The following MCM2 variants were observed in gnomAD, a reference collection of about 807,000 sequenced individuals.
MCM2 encodes DNA replication licensing factor MCM2.
MCM2 carries 49 observed loss-of-function variants against 86.4 expected under a neutral mutation model. The ratio of observed to expected loss-of-function variants is 0.57; its 90% CI spans 0.45 to 0.72. The LOEUF is 0.72. Among genes scored for constraint, MCM2 ranks in the 30% least tolerant of loss-of-function variants. MCM2 has a pLI of 0.00. For missense variants in MCM2, 1,038 were observed against 1,259.9 expected, an observed-to-expected ratio of 0.82 and a Z score of 2.67; for synonymous variants, 475 against 484.6, an observed-to-expected ratio of 0.98 and a Z score of 0.26.
In MCM2 at chr3:127,606,911, G is replaced by T. The variant is rs1300779255; in HGVS notation, c.1101+94G>T. On this transcript the variant is annotated intron_variant, in intron 6 of 15. Transcript: ENST00000265056. The surrounding 1 kb of genome is among the most constrained non-coding windows in gnomAD (Gnocchi z 4.2). Reference sequence around the variant, plus strand: ...CTCTCAGGCTGTGGAAGACCAGTGTGGGCAGCCGCAAGAAGCAAGATAGAA... The same window carrying T: ...CTCTCAGGCTGTGGAAGACCAGTGTTGGCAGCCGCAAGAAGCAAGATAGAA... 2 of 1,254,472 alleles carry T rather than the reference G, an allele frequency of 1.6e-6. No individual in the cohort carries two copies. The highest frequency in any genetic ancestry group is 2.3e-6 in the Non-Finnish European group (2 of 867,998). The allele number at this position is 1,254,472 out of a possible 1,614,324, so 77.7% of individuals were successfully genotyped here. A position where few individuals can be genotyped will look rare whatever the true frequency, so the allele number is the denominator to read the frequency against.
chr3:127,619,360 G>A, intron 13 of MCM2, 82 bp downstream of exon 13: 2 of 1,526,444 alleles, frequency 1.3e-6, no homozygotes, highest in Non-Finnish European at 1.8e-6. Flanking sequence ...AGCGGGGGTG[G>A]TGGTCAGTCA....
intron 8 of MCM2, among the ~76,000 whole-genome samples, chr3:127,614,516 C>T (rs2074420024): frequency 6.6e-6 from 1 of 152,168 alleles, no homozygotes; most frequent in African/African-American, 2.4e-5. Context: ...GTGGAAGAAA[C>T]TGGGTCATTT....
chr3:127,615,914 G>T lies in MCM2; in HGVS notation c.1481G>T (p.Gly494Val), dbSNP rs1412170075. Residue 494 changes from glycine to valine, a missense_variant, in exon 9 of 16, where the codon GGC becomes GTC. Transcript: ENST00000265056. ...SIYGHEDIKR[G>V]LALALFGGEP... ...TATGGTCATGAAGACATCAAGAGAG[G>T]CCTGGCTCTGGCCCTGTTCGGAGGG... The T allele has an allele frequency of 1.9e-6, 3 of 1,614,062 alleles. No homozygotes were observed. The Admixed American group carries it at 5.0e-5, about 27-fold the overall frequency.
In MCM2 at chr3:127,605,049, C is replaced by T. The variant is rs555504342; in HGVS notation, c.566C>T (p.Ala189Val). The change falls in exon 4 of 16, where the codon GCG becomes GTG. Residue 189 changes from alanine to valine, a missense_variant. Around this residue, in one of 4 missense-constraint regions of MCM2, gnomAD observed 300 missense variants for 307.4 expected, o/e 0.98. Coordinates refer to ENST00000265056, the MANE Select transcript of MCM2 (RefSeq NM_004526.4). ...TCTGTGCGCGAGTGGGTGAGCATGG[C>T]GGGCCCCCGGCTGGAGATCCACCAC... ...GHSVREWVSM[A>V]GPRLEIHHRF... 19 of 1,613,922 alleles carry T rather than the reference C, an allele frequency of 1.2e-5. No homozygotes were observed. In the African/African-American group the frequency reaches 1.6e-4, roughly 14 times the overall value.
In MCM2 at chr3:127,606,045, C is replaced by T; in HGVS notation, c.674-73C>T. ...GTCGGGGTGGGTAGGCCTTGCTTCT[C>T]ACACAGGCATTGTTGCAGCCCAGCC... On this transcript the variant is annotated intron_variant, in intron 4 of 15. Coordinates refer to ENST00000265056, the MANE Select transcript of MCM2 (RefSeq NM_004526.4). The surrounding 1 kb of genome is among the most constrained non-coding windows in gnomAD (Gnocchi z 4.2). 2 of 1,226,064 alleles carry T rather than the reference C, an allele frequency of 1.6e-6. No homozygotes were observed. Among genetic ancestry groups the T allele is most frequent in the South Asian group, 2.5e-5 (2 of 79,672 alleles). 75.9% of individuals were successfully genotyped at this position (1,226,064 alleles called of 1,614,324 possible). A position where few individuals can be genotyped will look rare whatever the true frequency, so the allele number is the denominator to read the frequency against.
chr3:127,615,571 C>T (rs2074426423), intron 8 of MCM2, among the ~76,000 whole-genome samples: 1 of 152,188 alleles, frequency 6.6e-6, no homozygotes. Context: ...GGTCTTATTT[C>T]TGCTCTTGGT....
rs1410981400 is a variant in MCM2 at position 127,606,233 on chromosome 3, C to G, written c.789C>G (p.Ala263=). ...TGCTGCAGATCTTTGATGAGGCTGC[C>G]CTGGAGGTGGTACTGGCCATGTACC... is the stretch of plus-strand genomic sequence containing the variant. ...AELLQIFDEA[A]LEVVLAMYPK... Residue 263 remains alanine, a synonymous_variant, in exon 5 of 16, where the codon GCC becomes GCG. Transcript: ENST00000265056. The surrounding 1 kb of genome is among the most constrained non-coding windows in gnomAD (Gnocchi z 4.2). 3 of 1,614,064 alleles carry G rather than the reference C, an allele frequency of 1.9e-6. No individual in the cohort carries two copies. Among genetic ancestry groups the G allele is most frequent in the South Asian group, 1.1e-5 (1 of 91,088 alleles).
At position 127,621,913 on chromosome 3, in the gene MCM2, C is replaced by T. The variant is rs1331329736; in HGVS notation, c.*140C>T. ...GGGCTTATAGCAGGATGTCTGGCTG[C>T]ACCTGGCATGACTGTTTGTTTCTCC... On this transcript the variant is annotated 3_prime_UTR_variant, in exon 16 of 16. Coordinates refer to ENST00000265056, the MANE Select transcript of MCM2 (RefSeq NM_004526.4). 3.3e-6 allele frequency: 2 copies of T among 604,146 alleles called. No homozygotes were observed. The highest frequency in any genetic ancestry group is 1.9e-5 in the African/African-American group (1 of 53,444). The allele number at this position is 604,146 out of a possible 1,614,324, so 37.4% of individuals were successfully genotyped here.
rs537814583 is a variant in MCM2 at position 127,615,930 on chromosome 3, G to C, written c.1497G>C (p.Leu499=). 1.5e-4 allele frequency: 250 copies of C among 1,614,058 alleles called. No homozygotes were observed. Among genetic ancestry groups the C allele is most frequent in the Non-Finnish European group, 2.1e-4 (244 of 1,180,032 alleles). ...TCAAGAGAGGCCTGGCTCTGGCCCTGTTCGGAGGGGAGCCCAAAAACCCAG... is the reference window on the plus strand; with the variant it reads ...TCAAGAGAGGCCTGGCTCTGGCCCTCTTCGGAGGGGAGCCCAAAAACCCAG... The part of the protein sequence containing the change: ...EDIKRGLALA[L]FGGEPKNPGG... Residue 499 remains leucine, a synonymous_variant, in exon 9 of 16, where the codon CTG becomes CTC. Transcript: ENST00000265056.
Position 127,617,118 on chromosome 3 carries a change from G to A in MCM2, c.1773G>A (p.Lys591=), listed in dbSNP as rs749453739. 11 of 1,612,736 alleles carry A rather than the reference G, an allele frequency of 6.8e-6. No individual in the cohort carries two copies. In the East Asian group the frequency reaches 2.0e-4, roughly 29 times the overall value. ...TGTGTCTCATTGATGAATTTGACAAGGTGGGTCCCTGGGTCACGGAGGCTG... is the reference window on the plus strand; with the variant it reads ...TGTGTCTCATTGATGAATTTGACAAAGTGGGTCCCTGGGTCACGGAGGCTG... ...RGVCLIDEFD[K]MNDQDRTSIH... The change falls in exon 10 of 16, where the codon AAG becomes AAA. Residue 591 remains lysine, a splice_region_variant and synonymous_variant. Transcript: ENST00000265056. This position sits in a 1 kb window ranked among gnomAD's most constrained non-coding sequence, Gnocchi z 4.1.
rs1235028296 is a variant in MCM2 at position 127,620,794 on chromosome 3, G to A, written c.2362G>A (p.Glu788Lys). The A allele has an allele frequency of 1.7e-5, 28 of 1,614,032 alleles. No individual in the cohort carries two copies. The highest frequency in any genetic ancestry group is 3.3e-5 in the Admixed American group (2 of 60,006). Reference sequence around the variant, plus strand: ...CATCCATCTGCGGGACTATGTGATCGAAGACGACGTCAACATGGCCATCCG... The same window carrying A: ...CATCCATCTGCGGGACTATGTGATCAAAGACGACGTCAACATGGCCATCCG... ...ARIHLRDYVI[E>K]DDVNMAIRVM... The change falls in exon 14 of 16, where the codon GAA becomes AAA. Residue 788 changes from glutamate (E) to lysine (K), a missense_variant. Physicochemically the swap from Glu to Lys is moderately conservative, Grantham distance 56. This residue lies in a region of MCM2 where 336 missense variants were observed against 425.7 expected (regional missense o/e 0.79). Transcript: ENST00000265056.
chr3:127,605,626 G>A (rs2074341548), intron 4 of MCM2, among the ~76,000 whole-genome samples: 1 of 151,336 alleles, frequency 6.6e-6, no homozygotes, highest in African/African-American at 2.4e-5. Context: ...TTTTAGTAGA[G>A]AAGGGGTTTC....
Position 127,618,947 on chromosome 3 carries a change from C to G in MCM2, c.2014-80C>G. On this transcript the variant is annotated intron_variant, in intron 12 of 15. Coordinates refer to ENST00000265056, the MANE Select transcript of MCM2 (RefSeq NM_004526.4). This position sits in a 1 kb window ranked among gnomAD's most constrained non-coding sequence, Gnocchi z 4.0. ...AAGAGTGTCACCCTTGTAGGGCACA[C>G]TCAGCCCTTCTCCAGCCACTGACCT... 1.4e-6 allele frequency: 2 copies of G among 1,423,050 alleles called. No individual in the cohort carries two copies. The highest frequency in any genetic ancestry group is 1.9e-6 in the Non-Finnish European group (2 of 1,067,414). 88.2% of individuals were successfully genotyped at this position (1,423,050 alleles called of 1,614,324 possible). A position where few individuals can be genotyped will look rare whatever the true frequency, so the allele number is the denominator to read the frequency against.
intron 8 of MCM2, among the ~76,000 whole-genome samples, chr3:127,610,137 C>A (rs1270744233): frequency 6.6e-5 from 10 of 152,170 alleles, no homozygotes; most frequent in Admixed American, 5.9e-4. Context: ...AGGCACCACG[C>A]CCGGCCTTCA....
chr3:127,598,842 T>TA (rs1397777715), intron 1 of MCM2: 1 of 383,114 alleles, frequency 2.6e-6, no homozygotes, highest in East Asian at 4.7e-5. Context: ...ACACTACACT[T>TA]ACTTTTGTAT....
chr3:127,607,623 C>CA (rs1176970085), intron 6 of MCM2, among the ~76,000 whole-genome samples: 2 of 152,244 alleles, frequency 1.3e-5, no homozygotes, highest in Admixed American at 1.3e-4. Flanking sequence ...CTGTCTCCCT[C>CA]AGGCCTTGCT....
At chr3:127,605,971 T>C (rs1002166965) in intron 4 of MCM2, 147 bp from the exon 5 acceptor site, 1 of 635,620 alleles carries the variant, frequency 1.6e-6, no homozygotes, top group East Asian at 2.7e-5. Context: ...ACAGCTGAAG[T>C]GTGGTAGACC....
rs1020631498 is a variant in MCM2, at chr3:127,606,549, C to T, written c.894-61C>T. On this transcript the variant is annotated intron_variant, in intron 5 of 15. Coordinates refer to ENST00000265056, the MANE Select transcript of MCM2 (RefSeq NM_004526.4). The surrounding 1 kb of genome is among the most constrained non-coding windows in gnomAD (Gnocchi z 4.2). ...TTCCAGGACAGTGTGTTGGGACACTCTCGTCTGCAGCCTGGCCTCACCCTG... is the reference window on the plus strand; with the variant it reads ...TTCCAGGACAGTGTGTTGGGACACTTTCGTCTGCAGCCTGGCCTCACCCTG... The T allele has an allele frequency of 1.3e-6, 2 of 1,493,908 alleles. No homozygotes were observed. The highest frequency in any genetic ancestry group is 1.9e-6 in the Non-Finnish European group (2 of 1,075,456). The allele number at this position is 1,493,908 out of a possible 1,614,324, so 92.5% of individuals were successfully genotyped here.
chr3:127,613,034 G>A (rs2074410681), intron 8 of MCM2, among the ~76,000 whole-genome samples: 2 of 152,240 alleles, frequency 1.3e-5, no homozygotes, highest in African/African-American at 2.4e-5. Context: ...CTCTCCTGGA[G>A]TAACTGGGTC....
Sources: gnomAD v4.1 joint callset for allele counts (sites outside exome capture counted in the v4.1 genomes callset) on GRCh38, gnomAD v4.1.1 for gene constraint, gnomAD v4.1.1 regional missense constraint, Gnocchi (gnomAD v3.1) non-coding constraint, MANE v1.5 for transcripts, NCBI Gene and HGNC (gene_info 2026-07-23, HGNC 2026-07-21) for gene names.